SNTB2: variants seen among roughly 807,000 people sequenced by gnomAD.
The protein encoded by SNTB2 is beta-2-syntrophin.
SNTB2 carries 34 observed loss-of-function variants against 46.2 expected under a neutral mutation model. The observed-to-expected ratio is 0.74, with a 90% CI of 0.56 to 0.98. The LOEUF (loss-of-function observed/expected upper bound fraction) is 0.98, where lower values mean the gene tolerates loss of function less well. Among genes scored for constraint, SNTB2 ranks in the 50% least tolerant of loss-of-function variants. The pLI is 0.00. For synonymous variants in SNTB2, 290 were observed against 312.6 expected (o/e 0.93, Z 0.76); for missense variants, 603 against 731.4 (o/e 0.82, Z 2.02).
At chr16:69,296,343 G>GACAC (rs376073093) in intron 5 of SNTB2, among the ~76,000 whole-genome samples, 9 of 151,930 alleles carry the variant, frequency 5.9e-5, no homozygotes, top group Non-Finnish European at 1.2e-4. Flanking sequence ...CATTAAGTTT[G>GACAC]ACACACACAC....
intron 4 of SNTB2, among the ~76,000 whole-genome samples, chr16:69,281,079 G>C (rs1201272667): frequency 1.3e-5 from 2 of 152,148 alleles, no homozygotes; most frequent in African/African-American, 4.8e-5. Flanking sequence ...ACAGGCATGA[G>C]CCACCGCGCC....
rs750012315 is a variant in SNTB2, at chr16:69,187,388, A to G, written c.222A>G (p.Pro74=). 6 of 1,306,968 alleles carry G rather than the reference A, an allele frequency of 4.6e-6. No homozygotes were observed. Among genetic ancestry groups the G allele is most frequent in the Non-Finnish European group, 4.8e-6 (5 of 1,032,982 alleles). The allele number at this position is 1,306,968 out of a possible 1,614,324, so 81.0% of individuals were successfully genotyped here. The part of the protein sequence containing the change: ...GPAAAAFNGL[P]NGGGAGDSLP... ...CGGCCGCCGCCTTCAACGGCCTCCC[A>G]AACGGCGGCGGCGCGGGCGACTCGC... Residue 74 remains proline, a synonymous_variant, in exon 1 of 7, where the codon CCA becomes CCG. Coordinates refer to ENST00000336278, the MANE Select transcript of SNTB2 (RefSeq NM_006750.4).
intron 2 of SNTB2, among the ~76,000 whole-genome samples, chr16:69,249,730 T>C (rs1485344328): frequency 6.6e-6 from 1 of 152,084 alleles, no homozygotes; most frequent in African/African-American, 2.4e-5. Flanking sequence ...TAAGGAAAGG[T>C]CTTAGAAGAT....
chr16:69,191,557 CA>C (rs1204153764), intron 1 of SNTB2, among the ~76,000 whole-genome samples: 3,795 of 60,312 alleles, frequency 0.063, 83 homozygotes, highest in African/African-American at 0.11. Context: ...GATCCTGTCT[CA>C]AAAAAAAAAA....
intron 2 of SNTB2, among the ~76,000 whole-genome samples, chr16:69,249,061 C>T (rs1212415894): frequency 6.7e-6 from 1 of 150,162 alleles, no homozygotes; most frequent in Admixed American, 6.6e-5. Flanking sequence ...GCTTCACTCC[C>T]CTCGCCTAGG....
chr16:69,272,875 G>A (rs1239525253), intron 4 of SNTB2, among the ~76,000 whole-genome samples: 2 of 132,518 alleles, frequency 1.5e-5, no homozygotes, highest in Non-Finnish European at 3.1e-5. Context: ...GGGCGACAGA[G>A]CCAGACTCTG....
chr16:69,217,951 G>A (rs1371799042), intron 1 of SNTB2, among the ~76,000 whole-genome samples: 1 of 152,176 alleles, frequency 6.6e-6, no homozygotes, highest in Admixed American at 6.5e-5. Context: ...CTGAAATTCT[G>A]TTATCTATTG....
chr16:69,217,563 C>A (rs757701570), intron 1 of SNTB2, among the ~76,000 whole-genome samples: 28 of 152,192 alleles, frequency 1.8e-4, no homozygotes, highest in Non-Finnish European at 3.2e-4. Context: ...CTGACTACTT[C>A]AGTTTTTAAC....
At chr16:69,278,271 G>A (rs1346565235) in intron 4 of SNTB2, among the ~76,000 whole-genome samples, 2 of 151,998 alleles carry the variant, frequency 1.3e-5, no homozygotes, top group Non-Finnish European at 2.9e-5. Flanking sequence ...AGCCAACACT[G>A]TGCTACTATA....
At chr16:69,222,216 T>TA (rs1964412125) in intron 1 of SNTB2, among the ~76,000 whole-genome samples, 1 of 152,192 alleles carries the variant, frequency 6.6e-6, no homozygotes, top group Non-Finnish European at 1.5e-5. Flanking sequence ...ACGTACAACA[T>TA]AAAAAATATC....
chr16:69,226,821 G>T (rs1597179421), intron 1 of SNTB2, among the ~76,000 whole-genome samples: 1 of 152,202 alleles, frequency 6.6e-6, no homozygotes, highest in African/African-American at 2.4e-5. Flanking sequence ...GTGAGCCATG[G>T]TGCATGGCCC....
intron 3 of SNTB2, among the ~76,000 whole-genome samples, chr16:69,269,037 C>T (rs1486778317): frequency 1.3e-5 from 2 of 151,492 alleles, no homozygotes; most frequent in Non-Finnish European, 1.5e-5. Context: ...GGTGTGGTGG[C>T]ACATGCCTAT....
At chr16:69,191,726 C>G (rs1300495653) in intron 1 of SNTB2, among the ~76,000 whole-genome samples, 1 of 151,848 alleles carries the variant, frequency 6.6e-6, no homozygotes, top group Non-Finnish European at 1.5e-5. Flanking sequence ...CTGCAAGCTC[C>G]GCCTACCGGG....
At chr16:69,207,154 CT>C (rs1555497921) in intron 1 of SNTB2, among the ~76,000 whole-genome samples, 161 of 126,442 alleles carry the variant, frequency 1.3e-3, no homozygotes, top group East Asian at 7.4e-3. Context: ...TTCTTTCTTT[CT>C]TTTTTTTTTT....
At chr16:69,232,731 C>T (rs768426367) in intron 1 of SNTB2, among the ~76,000 whole-genome samples, 2 of 151,546 alleles carry the variant, frequency 1.3e-5, no homozygotes, top group Non-Finnish European at 2.9e-5. Flanking sequence ...AGGATGGTCT[C>T]GATTTCTTGA....
chr16:69,238,969 C>T (rs1268831850), intron 1 of SNTB2, among the ~76,000 whole-genome samples: 2 of 152,130 alleles, frequency 1.3e-5, no homozygotes, highest in African/African-American at 4.8e-5. Flanking sequence ...CCTAAAAGGC[C>T]GTACATGGTC....
At chr16:69,250,288 T>C (rs535399961) in intron 2 of SNTB2, among the ~76,000 whole-genome samples, 1 of 152,200 alleles carries the variant, frequency 6.6e-6, no homozygotes, top group African/African-American at 2.4e-5. Flanking sequence ...AACATCTGTG[T>C]GTCTTGGCAG....
At chr16:69,203,297 C>T (rs915129032) in intron 1 of SNTB2, among the ~76,000 whole-genome samples, 1 of 151,688 alleles carries the variant, frequency 6.6e-6, no homozygotes, top group Non-Finnish European at 1.5e-5. Context: ...GGATTACAGG[C>T]GTGAGCCACT....
intron 3 of SNTB2, among the ~76,000 whole-genome samples, chr16:69,262,011 C>T (rs1303471188): frequency 6.6e-6 from 1 of 151,976 alleles, no homozygotes; most frequent in Non-Finnish European, 1.5e-5. Flanking sequence ...GAGCTTGAGA[C>T]CAACCTGGGC....
Sources: allele counts gnomAD v4.1 joint callset (sites outside exome capture counted in the v4.1 genomes callset), GRCh38; gene constraint gnomAD v4.1.1; transcripts MANE v1.5; gene names NCBI Gene and HGNC (gene_info 2026-07-23, HGNC 2026-07-21).